The following CEP95 variants were observed in gnomAD, a reference collection of about 807,000 sequenced individuals.
CEP95 encodes centrosomal protein of 95 kDa.
In CEP95, 98 loss-of-function variants were observed where a neutral mutation model predicts 111.2. The ratio of observed to expected loss-of-function variants is 0.88; its 90% CI spans 0.75 to 1.04. The LOEUF (loss-of-function observed/expected upper bound fraction) is 1.04, where lower values mean the gene tolerates loss of function less well. Ranked by LOEUF, CEP95 falls within the 50% of genes least tolerant of loss-of-function variation. The probability of loss-of-function intolerance (pLI) is 0.00; values close to 1 mark genes in which losing one functional copy is unlikely to be tolerated. For missense variants in CEP95, 1,027 were observed against 977.2 expected, an observed-to-expected ratio of 1.05 and a Z score of -0.68; for synonymous variants, 323 against 327.1, an observed-to-expected ratio of 0.99 and a Z score of 0.14.
At chr17:64,519,254 T>A in intron 5 of CEP95, 67 bp from the exon 6 acceptor site, 1 of 991,096 alleles carries the variant, frequency 1.0e-6, no homozygotes, top group Non-Finnish European at 1.6e-6. Context: ...CCAGCAGCTC[T>A]CCAGGTCCTC....
rs1447965768 is a variant in CEP95 at position 64,507,936 on chromosome 17, G to A, written c.20-656G>A. 5 of 985,424 alleles carry A rather than the reference G, an allele frequency of 5.1e-6. No homozygotes were observed. The African/African-American group carries it at 7.0e-5, about 14-fold the overall frequency. 61.0% of individuals were successfully genotyped at this position (985,424 alleles called of 1,614,324 possible). On this transcript the variant is annotated intron_variant, in intron 1 of 19. Coordinates refer to ENST00000556440, the MANE Select transcript of CEP95 (RefSeq NM_138363.3). The stretch of plus-strand genomic sequence containing the variant: ...GCAAATCCCAGCAATATCTAGGGGA[G>A]AGGAGAATGTGGTACGCAGGAAACG...
At chr17:64,527,627 G>A (rs1967925332) in intron 11 of CEP95, among the ~76,000 whole-genome samples, 1 of 151,926 alleles carries the variant, frequency 6.6e-6, no homozygotes, top group Admixed American at 6.6e-5. Flanking sequence ...ATTGTTTTAT[G>A]TTGTTTAAAA....
intron 5 of CEP95, among the ~76,000 whole-genome samples, chr17:64,517,748 G>C (rs554183715): frequency 2.0e-5 from 3 of 148,938 alleles, no homozygotes; most frequent in Admixed American, 6.7e-5. Context: ...TGACCAGGCT[G>C]GTCTTGAATT....
intron 9 of CEP95, 62 bp downstream of exon 9, chr17:64,525,944 G>C: frequency 6.8e-7 from 1 of 1,471,706 alleles, no homozygotes; most frequent in South Asian, 1.3e-5. Context: ...AAAATGCAGG[G>C]GCATGATCTC....
chr17:64,516,680 C>G, intron 4 of CEP95, 43 bp from the exon 5 acceptor site: 2 of 1,211,714 alleles, frequency 1.7e-6, no homozygotes, highest in Non-Finnish European at 2.4e-6. Context: ...AAGTAGTATT[C>G]ACTTAGGGGT....
intron 2 of CEP95, among the ~76,000 whole-genome samples, chr17:64,509,593 G>A (rs2038777234): frequency 1.3e-5 from 2 of 152,242 alleles, no homozygotes; most frequent in South Asian, 4.1e-4. Flanking sequence ...GCTGAGGCAA[G>A]AGAATTGCTT....
At chr17:64,532,114 C>A in intron 14 of CEP95, 92 bp downstream of exon 14, 1 of 1,388,772 alleles carries the variant, frequency 7.2e-7, no homozygotes, top group East Asian at 2.6e-5. Flanking sequence ...AGCTAACATC[C>A]ACCAGTTAGC....
At chr17:64,510,043 C>T in intron 2 of CEP95, 130 bp from the exon 3 acceptor site, 10 of 628,284 alleles carry the variant, frequency 1.6e-5, no homozygotes, top group Non-Finnish European at 2.0e-5. Context: ...TTTATCTGTA[C>T]TTTACAGCAT....
intron 17 of CEP95, chr17:64,535,049 T>A (rs908624730): frequency 3.1e-5 from 11 of 359,158 alleles, no homozygotes; most frequent in Non-Finnish European, 4.8e-5. Flanking sequence ...ACAAATTTAG[T>A]GTGATAACAT....
At chr17:64,533,446 G>T (rs1968430771) in intron 16 of CEP95, among the ~76,000 whole-genome samples, 1 of 151,906 alleles carries the variant, frequency 6.6e-6, no homozygotes, top group South Asian at 2.1e-4. Flanking sequence ...ATATATATGG[G>T]TGTGGAAAAA....
chr17:64,513,174 G>A (rs930531580), intron 3 of CEP95, among the ~76,000 whole-genome samples: 38 of 152,132 alleles, frequency 2.5e-4, no homozygotes, highest in Admixed American at 1.2e-3. Flanking sequence ...AAACGTTGTC[G>A]TTACTAGTAG....
In CEP95 at chr17:64,514,241, T is replaced by A; in HGVS notation, c.257-7T>A. On this transcript the variant is annotated splice_region_variant and splice_polypyrimidine_tract_variant and intron_variant, in intron 3 of 19. Transcript: ENST00000556440. ...AATTTTTTAATAGCTCTATATTCTG[T>A]CTCCAGGAGAAAATATAGTGAAAGG... 8.8e-7 allele frequency: 1 copy of A among 1,134,014 alleles called. No homozygotes were observed. The highest frequency in any genetic ancestry group is 1.3e-6 in the Non-Finnish European group (1 of 770,588). The allele number at this position is 1,134,014 out of a possible 1,614,324, so 70.2% of individuals were successfully genotyped here.
chr17:64,524,337 G>A (rs1967623459), intron 8 of CEP95, among the ~76,000 whole-genome samples: 2 of 152,100 alleles, frequency 1.3e-5, no homozygotes, highest in South Asian at 4.2e-4. Context: ...GAGACAGAGT[G>A]TCGCTGTGTC....
chr17:64,527,371 T>C (rs929961100), intron 11 of CEP95, 107 bp downstream of exon 11: 64 of 835,208 alleles, frequency 7.7e-5, no homozygotes, highest in Non-Finnish European at 9.6e-5. Context: ...TTGAGAAATA[T>C]ATAAAAGGAT....
intron 12 of CEP95, among the ~76,000 whole-genome samples, chr17:64,530,682 A>G (rs1467833348): frequency 6.6e-6 from 1 of 151,876 alleles, no homozygotes; most frequent in East Asian, 1.9e-4. Flanking sequence ...CTAATTTTGT[A>G]TTTTTAGTAG....
In CEP95 at chr17:64,514,312, G is replaced by A; in HGVS notation, c.321G>A (p.Leu107=). 1 of 1,521,014 alleles carries A rather than the reference G, an allele frequency of 6.6e-7. No individual in the cohort carries two copies. The highest frequency in any genetic ancestry group is 8.9e-7 in the Non-Finnish European group (1 of 1,119,662). The allele number at this position is 1,521,014 out of a possible 1,614,324, so 94.2% of individuals were successfully genotyped here. A position where few individuals can be genotyped will look rare whatever the true frequency, so the allele number is the denominator to read the frequency against. The part of the protein sequence containing the change: ...IKNLLEIFDG[L]LEYLTERISE... ...ATCTCCTGGAAATATTTGATGGTTT[G>A]TTGGAGTATCTTACAGAACGCATCA... The change falls in exon 4 of 20, where the codon TTG becomes TTA. Residue 107 remains leucine (L), a synonymous_variant. Coordinates refer to ENST00000556440, the MANE Select transcript of CEP95 (RefSeq NM_138363.3).
At chr17:64,527,606 C>T (rs1967923397) in intron 11 of CEP95, among the ~76,000 whole-genome samples, 1 of 152,136 alleles carries the variant, frequency 6.6e-6, no homozygotes, top group South Asian at 2.1e-4. Context: ...CATTACTTGT[C>T]TAAACATAGT....
chr17:64,517,336 C>T (rs1004974994), intron 5 of CEP95, among the ~76,000 whole-genome samples: 6 of 152,214 alleles, frequency 3.9e-5, no homozygotes, highest in East Asian at 1.9e-4. Context: ...CATGAGCCAC[C>T]GCGCCTGGTC....
At chr17:64,535,287 G>A (rs999886103) in intron 17 of CEP95, 1 of 158,788 alleles carries the variant, frequency 6.3e-6, no homozygotes, top group East Asian at 1.9e-4. Flanking sequence ...TAAGTAACTT[G>A]TCTGTAGCTC....
Sources: gnomAD v4.1 joint callset for allele counts (sites outside exome capture counted in the v4.1 genomes callset) on GRCh38, gnomAD v4.1.1 for gene constraint, MANE v1.5 for transcripts, NCBI Gene and HGNC (gene_info 2026-07-23, HGNC 2026-07-21) for gene names.